Variants in IL1RAPL2 observed in about 807,000 individuals in gnomAD.
IL1RAPL2 encodes the protein X-linked interleukin-1 receptor accessory protein-like 2.
Under a neutral mutation model 44.1 loss-of-function variants are expected in IL1RAPL2, and 3 were observed. The ratio of observed to expected loss-of-function variants is 0.07; its 90% CI spans 0.03 to 0.18. The LOEUF (loss-of-function observed/expected upper bound fraction) is 0.18. Ranked by LOEUF, IL1RAPL2 falls within the 10% of genes least tolerant of loss-of-function variation. IL1RAPL2 has a pLI of 1.00. For synonymous variants in IL1RAPL2, 181 were observed against 178.8 expected (o/e 1.01, Z -0.10); for missense variants, 391 against 496.4 (o/e 0.79, Z 2.02).
chrX:105,665,513 A>G (rs1205616882), intron 6 of IL1RAPL2, among the ~76,000 whole-genome samples: 2 of 110,619 alleles, frequency 1.8e-5, no homozygotes, highest in African/African-American at 6.6e-5. Flanking sequence ...GATCTTTTGA[A>G]AACTATATTC....
At chrX:104,903,921 G>T (rs183416279) in intron 2 of IL1RAPL2, among the ~76,000 whole-genome samples, 11 of 111,287 alleles carry the variant, frequency 9.9e-5, no homozygotes, top group Admixed American at 9.6e-4. Flanking sequence ...ATTACAGAAG[G>T]GATAAGTAGT....
intron 2 of IL1RAPL2, among the ~76,000 whole-genome samples, chrX:104,971,249 G>A (rs1461313765): frequency 9.0e-6 from 1 of 111,047 alleles, no homozygotes; most frequent in African/African-American, 3.3e-5. Context: ...TCGGGATGCT[G>A]AGACAAGAGA....
intron 2 of IL1RAPL2, among the ~76,000 whole-genome samples, chrX:104,949,310 T>G (rs961390385): frequency 1.7e-4 from 19 of 111,635 alleles, no homozygotes; most frequent in Non-Finnish European, 3.4e-4. Context: ...CTTCTCTCTC[T>G]TTTTCTTTAT....
chrX:105,270,307 A>C (rs1319396729), intron 5 of IL1RAPL2, among the ~76,000 whole-genome samples: 1 of 111,517 alleles, frequency 9.0e-6, no homozygotes, highest in East Asian at 2.8e-4. Flanking sequence ...ACACACACAC[A>C]CTGATTTTTA....
rs768639524 is a variant in IL1RAPL2, at chrX:104,818,343, C to CAAAA, written c.82+159366_82+159369dup. ...TGGGCGACAGAGAGAGACTCCGTCT[C>CAAAA]AAAAAAAAAAAAAAAAAAAAAGGTC... On this transcript the variant is annotated intron_variant, in intron 2 of 10. Transcript: ENST00000372582. Among the ~76,000 whole-genome samples the CAAAA allele has an allele frequency of 1.5e-3, 41 of 27,348 alleles. 1 individual carries two copies. Among genetic ancestry groups the CAAAA allele is most frequent in the African/African-American group, 4.6e-3 (41 of 9,006 alleles). The allele number at this position is 27,348 out of a possible 115,157, so 23.7% of individuals were successfully genotyped here.
intron 2 of IL1RAPL2, among the ~76,000 whole-genome samples, chrX:104,694,292 A>T (rs1931142604): frequency 8.9e-6 from 1 of 111,780 alleles, no homozygotes; most frequent in East Asian, 2.8e-4. Flanking sequence ...TCAGACTGTA[A>T]TTAACAACTA....
At chrX:105,709,214 C>G (rs1387187230) in intron 6 of IL1RAPL2, among the ~76,000 whole-genome samples, 1 of 111,410 alleles carries the variant, frequency 9.0e-6, no homozygotes, top group African/African-American at 3.3e-5. Flanking sequence ...GTGGAGAGAA[C>G]CTAGGGTTCA....
At chrX:104,631,053 T>A (rs1260139499) in intron 1 of IL1RAPL2, among the ~76,000 whole-genome samples, 3 of 110,999 alleles carry the variant, frequency 2.7e-5, no homozygotes, top group Admixed American at 9.6e-5. Flanking sequence ...GTGTTCTCAT[T>A]CTTCAATTCC....
At chrX:104,579,139 A>G (rs776791003) in intron 1 of IL1RAPL2, among the ~76,000 whole-genome samples, 1 of 111,842 alleles carries the variant, frequency 8.9e-6, no homozygotes, top group Non-Finnish European at 1.9e-5. Context: ...GCTGTTTTAT[A>G]TGTATTATAG....
intron 5 of IL1RAPL2, among the ~76,000 whole-genome samples, chrX:105,447,786 T>C (rs111925464): frequency 2.8e-4 from 25 of 88,008 alleles, no homozygotes; most frequent in African/African-American, 1.0e-3. Context: ...ATATTAAAAA[T>C]ATATATAAAT....
At chrX:104,826,796 G>A (rs1295770202) in intron 2 of IL1RAPL2, among the ~76,000 whole-genome samples, 2 of 110,702 alleles carry the variant, frequency 1.8e-5, no homozygotes, top group South Asian at 7.7e-4. Flanking sequence ...GGCTGCTCCT[G>A]TACTGGGTGC....
intron 10 of IL1RAPL2, among the ~76,000 whole-genome samples, chrX:105,763,159 G>A (rs1263167720): frequency 9.0e-6 from 1 of 111,465 alleles, no homozygotes; most frequent in Non-Finnish European, 1.9e-5. Context: ...AATATTTTAG[G>A]TTTCGTAGAT....
chrX:104,736,555 C>A (rs1932016648), intron 2 of IL1RAPL2, among the ~76,000 whole-genome samples: 1 of 112,172 alleles, frequency 8.9e-6, no homozygotes, highest in Admixed American at 9.5e-5. Flanking sequence ...ACCATGAAGT[C>A]ATTTTACAGT....
chrX:105,665,751 T>TG (rs1295223055), intron 6 of IL1RAPL2, among the ~76,000 whole-genome samples: 10 of 97,087 alleles, frequency 1.0e-4, no homozygotes, highest in Non-Finnish European at 1.5e-4. Flanking sequence ...TGTTTTTTTT[T>TG]TTTTGTTGTT....
In IL1RAPL2 at chrX:104,631,625, T is replaced by C. The variant is rs1460689525; in HGVS notation, c.-19-27270T>C. Among the ~76,000 whole-genome samples, 9 of 112,366 alleles carry C rather than the reference T, an allele frequency of 8.0e-5. No homozygotes were observed. The East Asian group carries it at 1.1e-3, about 14-fold the overall frequency. ...CATTTTTTCATGTGTCTTTTGGCTG[T>C]ATAAATGTCTTCTTCTGCGAAGTGT... On this transcript the variant is annotated intron_variant, in intron 1 of 10. Transcript: ENST00000372582.
chrX:105,160,053 AT>A (rs1380631422), intron 2 of IL1RAPL2, among the ~76,000 whole-genome samples: 5 of 101,783 alleles, frequency 4.9e-5, no homozygotes, highest in African/African-American at 1.8e-4. Context: ...ACAAAGCGTA[AT>A]CTATTGGGGC....
rs552072520 is a variant in IL1RAPL2, at chrX:105,264,455, C to T, written c.544-2933C>T. Among the ~76,000 whole-genome samples, 3 of 111,564 alleles carry T rather than the reference C, an allele frequency of 2.7e-5. No individual in the cohort carries two copies. The East Asian group carries it at 8.5e-4, about 32-fold the overall frequency. ...TTAGTGAGCAGGAGAGAAGTAATGA[C>T]AGCAGTAAGCCTAGCAGCCAGCAGC... On this transcript the variant is annotated intron_variant, in intron 4 of 10. Transcript: ENST00000372582.
chrX:105,070,684 A>T lies in IL1RAPL2; in HGVS notation c.83-124791A>T, dbSNP rs775967354. Among the ~76,000 whole-genome samples, 3 of 108,603 alleles carry T rather than the reference A, an allele frequency of 2.8e-5. No homozygotes were observed. The East Asian group carries it at 8.6e-4, about 31-fold the overall frequency. 94.3% of individuals were successfully genotyped at this position (108,603 alleles called of 115,157 possible). ...ACTCCAGCCTGGGCAACAGAGTAAG[A>T]CTCTGTCTCAAAAAATAAAAATAAA... On this transcript the variant is annotated intron_variant, in intron 2 of 10. Coordinates refer to ENST00000372582, the MANE Select transcript of IL1RAPL2 (RefSeq NM_017416.2).
chrX:105,565,911 T>C (rs1241789417), intron 6 of IL1RAPL2, among the ~76,000 whole-genome samples: 1 of 111,338 alleles, frequency 9.0e-6, no homozygotes, highest in Admixed American at 9.6e-5. Flanking sequence ...AAAAATGTGA[T>C]TGTGGAACAT....
Sources: gnomAD v4.1 joint callset for allele counts (sites outside exome capture counted in the v4.1 genomes callset) on GRCh38, gnomAD v4.1.1 for gene constraint, MANE v1.5 for transcripts, NCBI Gene and HGNC (gene_info 2026-07-23, HGNC 2026-07-21) for gene names.